The following ALMS1 variants were observed in gnomAD, a reference collection of about 807,000 sequenced individuals.
The protein encoded by ALMS1 is ALMS1 centrosome and basal body associated protein, also known as centrosome-associated protein ALMS1.
Under a neutral mutation model 352.2 loss-of-function variants are expected in ALMS1, and 271 were observed. That is an observed-to-expected ratio of 0.77 (90% CI 0.70 to 0.85). The LOEUF (loss-of-function observed/expected upper bound fraction) is 0.85, where lower values mean the gene tolerates loss of function less well. ALMS1 is among the 40% of genes least tolerant of loss of function. The probability of loss-of-function intolerance (pLI) is 0.00; values close to 1 mark genes in which losing one functional copy is unlikely to be tolerated. For missense variants in ALMS1, 5,445 were observed against 4,870.7 expected (o/e 1.12, Z -3.51); for synonymous variants, 1,865 against 1,761.2 (o/e 1.06, Z -1.48).
intron 9 of ALMS1, among the ~76,000 whole-genome samples, chr2:73,460,455 G>T (rs79245260): frequency 6.6e-6 from 1 of 152,058 alleles, no homozygotes; most frequent in East Asian, 1.9e-4. Flanking sequence ...TAAAAAATTC[G>T]GGTGGAGCCA....
intron 2 of ALMS1, among the ~76,000 whole-genome samples, chr2:73,416,015 A>G (rs1671175367): frequency 6.6e-6 from 1 of 152,174 alleles, no homozygotes. Context: ...AGGTCAGAGG[A>G]TGGACAGAAA....
At chr2:73,456,314 T>C (rs773437125) in intron 9 of ALMS1, among the ~76,000 whole-genome samples, 1 of 152,228 alleles carries the variant, frequency 6.6e-6, no homozygotes, top group Non-Finnish European at 1.5e-5. Flanking sequence ...TATGTAGATG[T>C]GCAGAGTTTT....
At chr2:73,476,320 C>T (rs750100111) in intron 9 of ALMS1, among the ~76,000 whole-genome samples, 13 of 152,114 alleles carry the variant, frequency 8.5e-5, no homozygotes, top group Admixed American at 2.0e-4. Flanking sequence ...TGAGTTGCTT[C>T]TGCCATTTGG....
At chr2:73,564,225 G>A (rs1674731450) in intron 15 of ALMS1, among the ~76,000 whole-genome samples, 1 of 151,968 alleles carries the variant, frequency 6.6e-6, no homozygotes, top group South Asian at 2.1e-4. Flanking sequence ...CAGCACTTTG[G>A]GAAGCTAGGG....
chr2:73,454,390 T>C (rs1011073505), intron 8 of ALMS1: 1 of 983,048 alleles, frequency 1.0e-6, no homozygotes, highest in African/African-American at 1.7e-5. Context: ...TCGCTTGGGC[T>C]CCTGAGCTCC....
intron 3 of ALMS1, among the ~76,000 whole-genome samples, chr2:73,421,648 A>G (rs1192935191): frequency 6.6e-6 from 1 of 152,198 alleles, no homozygotes; most frequent in Non-Finnish European, 1.5e-5. Flanking sequence ...AGCTATGGAT[A>G]AAGTAGACAC....
Position 73,573,169 on chromosome 2 carries a change from T to C in ALMS1, c.11292T>C (p.Asp3764=), listed in dbSNP as rs1482527571. 1 of 1,613,504 alleles carries C rather than the reference T, an allele frequency of 6.2e-7. No individual in the cohort carries two copies. Among genetic ancestry groups the C allele is most frequent in the Non-Finnish European group, 8.5e-7 (1 of 1,179,792 alleles). Residue 3764 remains aspartate, a synonymous_variant, in exon 16 of 23, where the codon GAT becomes GAC. Transcript: ENST00000613296. ...LSGTTSTVES[D]ILTQTDREVA... is the part of the protein sequence containing the mutation. Reference sequence around the variant, plus strand: ...GCACCACTTCTACTGTCGAATCAGATATATTGACCCAAACAGATAGAGAGG... The same window carrying C: ...GCACCACTTCTACTGTCGAATCAGACATATTGACCCAAACAGATAGAGAGG...
chr2:73,451,663 C>T lies in ALMS1; in HGVS notation c.5136C>T (p.Tyr1712=), dbSNP rs779178505. Residue 1712 remains tyrosine, a synonymous_variant, in exon 8 of 23, where the codon TAC becomes TAT. Coordinates refer to ENST00000613296, the MANE Select transcript of ALMS1 (RefSeq NM_001378454.1). ...TETPSVSSSL[Y]SYREKPIVFY... is the part of the protein sequence containing the mutation. ...CACCATCAGTATCCTCTAGTTTATACTCATATAGAGAGAAGCCCATTGTCT... is the reference window on the plus strand; with the variant it reads ...CACCATCAGTATCCTCTAGTTTATATTCATATAGAGAGAAGCCCATTGTCT... 6.2e-7 allele frequency: 1 copy of T among 1,613,946 alleles called. No individual in the cohort carries two copies.
At chr2:73,541,234 G>C (rs537866131) in intron 12 of ALMS1, among the ~76,000 whole-genome samples, 12 of 152,214 alleles carry the variant, frequency 7.9e-5, no homozygotes, top group African/African-American at 2.6e-4. Flanking sequence ...AGAACCGCTC[G>C]ACTACATGGA....
At chr2:73,537,373 T>G (rs1040446068) in intron 12 of ALMS1, among the ~76,000 whole-genome samples, 11 of 152,220 alleles carry the variant, frequency 7.2e-5, no homozygotes, top group Admixed American at 6.5e-5. Context: ...GCGCTAGGTC[T>G]TATCTCTGGC....
In ALMS1 at chr2:73,519,973, A is replaced by C; in HGVS notation, c.9738A>C (p.Ser3246=). 3 of 1,614,116 alleles carry C rather than the reference A, an allele frequency of 1.9e-6. No individual in the cohort carries two copies. Among genetic ancestry groups the C allele is most frequent in the South Asian group, 2.2e-5 (2 of 91,086 alleles). The change falls in exon 11 of 23, where the codon TCA becomes TCC. Residue 3246 remains serine, a synonymous_variant. Coordinates refer to ENST00000613296, the MANE Select transcript of ALMS1 (RefSeq NM_001378454.1). ...KLRKAPVKFA[S]SSSVQQVTFS... ...GCAAAGCTCCTGTCAAGTTTGCCTCATCATCTTCAGTCCAACAGGTTACTT... is the reference window on the plus strand; with the variant it reads ...GCAAAGCTCCTGTCAAGTTTGCCTCCTCATCTTCAGTCCAACAGGTTACTT...
At chr2:73,581,313 T>C (rs1018091020) in intron 16 of ALMS1, among the ~76,000 whole-genome samples, 3 of 152,208 alleles carry the variant, frequency 2.0e-5, no homozygotes, top group African/African-American at 7.2e-5. Context: ...TAGGTGAAAC[T>C]AAGGCAGGTC....
intron 1 of ALMS1, 96 bp downstream of exon 1, chr2:73,386,288 C>G: frequency 7.1e-7 from 1 of 1,403,710 alleles, no homozygotes; most frequent in Middle Eastern, 2.6e-4. Flanking sequence ...CGCCGCCTGA[C>G]GGAGAAAACG....
rs1042407397 is a variant in ALMS1, at chr2:73,534,852, T to C, written c.9810T>C (p.Pro3270=). Residue 3270 remains proline, a synonymous_variant, in exon 12 of 23, where the codon CCT becomes CCC. Coordinates refer to ENST00000613296, the MANE Select transcript of ALMS1 (RefSeq NM_001378454.1). ...AGCCTTTATTATTGCCATATAAGCC[T>C]TCTGGTAGTACCAAGATGTATTATG... ...DGQPLLLPYK[P]SGSTKMYYVP... is the part of the protein sequence containing the mutation. The C allele has an allele frequency of 1.5e-5, 24 of 1,613,608 alleles. No homozygotes were observed. The highest frequency in any genetic ancestry group is 1.9e-5 in the Non-Finnish European group (22 of 1,179,692).
rs767061718 is a variant in ALMS1 at position 73,601,320 on chromosome 2, C to T, written c.11998C>T (p.Pro4000Ser). 2.5e-6 allele frequency: 4 copies of T among 1,614,220 alleles called. No homozygotes were observed. The highest frequency in any genetic ancestry group is 3.4e-6 in the Non-Finnish European group (4 of 1,180,042). ...PITKTRPWRE[P>S]LREQNCQGQH... ...AACCAAGACCAGACCCTGGAGGGAG[C>T]CACTGCGGGAGCAGAACTGTCAGGG... The change falls in exon 19 of 23, where the codon CCA (proline) becomes TCA (serine). Residue 4000 changes from proline to serine, a missense_variant. By Grantham distance (74) the Pro-to-Ser change is moderately conservative. Transcript: ENST00000613296.
At chr2:73,397,835 T>C (rs558096799) in intron 1 of ALMS1, among the ~76,000 whole-genome samples, 1 of 152,382 alleles carries the variant, frequency 6.6e-6, no homozygotes, top group South Asian at 2.1e-4. Context: ...AGTTCCCATC[T>C]GTGCCCTGCC....
intron 6 of ALMS1, 147 bp from the exon 7 acceptor site, chr2:73,432,051 C>T: frequency 1.6e-6 from 1 of 636,756 alleles, no homozygotes. Context: ...TCTTAGTGTT[C>T]CTCTTTGTAA....
At position 73,490,863 on chromosome 2, in the gene ALMS1, A is replaced by G. The variant is rs777796888; in HGVS notation, c.8904A>G (p.Gln2968=). Residue 2968 remains glutamine, a synonymous_variant, in exon 10 of 23, where the codon CAA becomes CAG. Coordinates refer to ENST00000613296, the MANE Select transcript of ALMS1 (RefSeq NM_001378454.1). ...SDLPSPISLE[Q]CQSKAPGVDD... ...TTCCGTCTCCCATTTCTCTTGAACA[A>G]TGCCAAAGCAAAGCGCCAGGTGTAG... The G allele has an allele frequency of 1.5e-5, 24 of 1,613,954 alleles. No individual in the cohort carries two copies. The Admixed American group carries it at 1.5e-4, about 10-fold the overall frequency.
intron 6 of ALMS1, among the ~76,000 whole-genome samples, chr2:73,426,812 T>C (rs1671388898): frequency 6.6e-6 from 1 of 152,138 alleles, no homozygotes. Flanking sequence ...AGCCTGTAAG[T>C]TTTTCTATTT....
Sources: allele counts gnomAD v4.1 joint callset (sites outside exome capture counted in the v4.1 genomes callset), GRCh38; gene constraint gnomAD v4.1.1; transcripts MANE v1.5; gene names NCBI Gene and HGNC (gene_info 2026-07-23, HGNC 2026-07-21).